Variants in RASSF5 observed in about 807,000 individuals in gnomAD.
RASSF5 encodes Ras association domain family member 5, also known as ras association domain-containing protein 5.
A neutral mutation model predicts 40.5 loss-of-function variants in RASSF5; 25 were observed. That is an observed-to-expected ratio of 0.62 (90% CI 0.45 to 0.86). The LOEUF (loss-of-function observed/expected upper bound fraction) is 0.86, where lower values mean the gene tolerates loss of function less well. Ranked by LOEUF, RASSF5 falls within the 40% of genes least tolerant of loss-of-function variation. The pLI, the probability that RASSF5 is intolerant of heterozygous loss-of-function variation, is 0.00. For missense variants in RASSF5, 521 were observed against 572.8 expected (o/e 0.91, Z 0.92); for synonymous variants, 246 against 252.4 (o/e 0.97, Z 0.24).
rs1440436269 is a variant in RASSF5 at position 206,576,991 on chromosome 1, TG to T, written c.580-6277del. Among the ~76,000 whole-genome samples, 7 of 150,980 alleles carry T rather than the reference TG, an allele frequency of 4.6e-5. No homozygotes were observed. In the East Asian group the frequency reaches 1.4e-3, roughly 29 times the overall value. On this transcript the variant is annotated intron_variant, in intron 2 of 5. Transcript: ENST00000579436. ...GCTAATTTTTGTATTTTTTTTTTTT[TG>T]TAGAGACAGGGTCTCACTATGTTGC...
Position 206,584,346 on chromosome 1 carries a change from G to T in RASSF5, c.691-41G>T. 1 of 1,567,594 alleles carries T rather than the reference G, an allele frequency of 6.4e-7. No homozygotes were observed. Among genetic ancestry groups the T allele is most frequent in the Non-Finnish European group, 8.7e-7 (1 of 1,155,294 alleles). ...CGAGTGGCAGATATGATCATGCAAG[G>T]CGGACGGCCCTGACCCCCTGTGACA... On this transcript the variant is annotated intron_variant, in intron 3 of 5. Coordinates refer to ENST00000579436, the MANE Select transcript of RASSF5 (RefSeq NM_182663.4). This position sits in a 1 kb window ranked among gnomAD's most constrained non-coding sequence, Gnocchi z 4.9.
At chr1:206,537,245 C>T (rs1246821029) in intron 1 of RASSF5, among the ~76,000 whole-genome samples, 1 of 152,200 alleles carries the variant, frequency 6.6e-6, no homozygotes, top group African/African-American at 2.4e-5. Context: ...CTTTTCAACT[C>T]TGGTCACTAA....
intron 5 of RASSF5, 121 bp downstream of exon 5, chr1:206,585,416 T>C: frequency 1.3e-6 from 1 of 746,968 alleles, no homozygotes; most frequent in Non-Finnish European, 2.4e-6. Flanking sequence ...AAGGTGACTG[T>C]TGAGAGAGTG....
chr1:206,564,902 G>A (rs1668244228), intron 2 of RASSF5, among the ~76,000 whole-genome samples: 1 of 152,112 alleles, frequency 6.6e-6, no homozygotes. Flanking sequence ...GAATTGCTGA[G>A]CCTGTGGCTT....
At chr1:206,557,078 G>T (rs1668010234) in intron 2 of RASSF5, 3 of 954,272 alleles carry the variant, frequency 3.1e-6, no homozygotes, top group Non-Finnish European at 3.7e-6. Context: ...ACCGGGGGCG[G>T]GTGGCACCCA....
rs1375229005 is a variant in RASSF5, at chr1:206,531,540, C to A, written c.458-6632C>A. Among the ~76,000 whole-genome samples the A allele has an allele frequency of 2.6e-5, 4 of 152,142 alleles. No homozygotes were observed. The highest frequency in any genetic ancestry group is 4.4e-5 in the Non-Finnish European group (3 of 68,030). The stretch of plus-strand genomic sequence containing the variant: ...GAGCTGCCCTGGGATGGTCTGTGCG[C>A]AGAGGGCGCTGGAGACCCTCTCTGG... On this transcript the variant is annotated intron_variant, in intron 1 of 5. Transcript: ENST00000579436. This position sits in a 1 kb window ranked among gnomAD's most constrained non-coding sequence, Gnocchi z 4.7.
At chr1:206,570,756 G>A (rs1432127514) in intron 2 of RASSF5, among the ~76,000 whole-genome samples, 1 of 152,138 alleles carries the variant, frequency 6.6e-6, no homozygotes, top group African/African-American at 2.4e-5. Context: ...GGCTGAATGA[G>A]ATTCCATTGT....
At chr1:206,569,242 A>G (rs1461858873) in intron 2 of RASSF5, among the ~76,000 whole-genome samples, 1 of 152,248 alleles carries the variant, frequency 6.6e-6, no homozygotes, top group Non-Finnish European at 1.5e-5. Context: ...ACAGAAGCCC[A>G]TACACATCCT....
chr1:206,507,874 TGCG>T lies in RASSF5; in HGVS notation c.281_283del (p.Arg94del), dbSNP rs1553394055. The stretch of plus-strand genomic sequence containing the variant: ...CTCCGGCCTGGTCTGCAGCAGAGAC[TGCG>T]GCGGCGGCCTGGAGCGCCCCGACCC... On this transcript the variant is annotated inframe_deletion, in exon 1 of 6. Coordinates refer to ENST00000579436, the MANE Select transcript of RASSF5 (RefSeq NM_182663.4). 3 of 1,493,252 alleles carry T rather than the reference TGCG, an allele frequency of 2.0e-6. No homozygotes were observed. Among genetic ancestry groups the T allele is most frequent in the Non-Finnish European group, 2.7e-6 (3 of 1,128,314 alleles). 92.5% of individuals were successfully genotyped at this position (1,493,252 alleles called of 1,614,324 possible).
intron 2 of RASSF5, among the ~76,000 whole-genome samples, chr1:206,550,442 T>C (rs991417297): frequency 1.3e-5 from 2 of 152,230 alleles, no homozygotes; most frequent in Middle Eastern, 3.2e-3. Context: ...GCCTTGCACA[T>C]AGTAGGTGCT....
chr1:206,526,293 T>TGTGTGTG (rs1553397193), intron 1 of RASSF5, among the ~76,000 whole-genome samples: 1 of 151,328 alleles, frequency 6.6e-6, no homozygotes, highest in Non-Finnish European at 1.5e-5. Flanking sequence ...TGTGTGTGTG[T>TGTGTGTG]TGGAGTTGGG....
intron 2 of RASSF5, among the ~76,000 whole-genome samples, chr1:206,548,084 C>T (rs1304298829): frequency 6.6e-6 from 1 of 152,140 alleles, no homozygotes; most frequent in Non-Finnish European, 1.5e-5. Flanking sequence ...GATGTTGCTT[C>T]ACTACCTCCT....
At chr1:206,538,573 G>C (rs1553398986) in intron 2 of RASSF5, among the ~76,000 whole-genome samples, 2 of 152,182 alleles carry the variant, frequency 1.3e-5, no homozygotes, top group Non-Finnish European at 2.9e-5. Context: ...TGAGCAGTGG[G>C]GTGGCTTCCA....
chr1:206,546,206 CTCAGGTGA>C, intron 2 of RASSF5, among the ~76,000 whole-genome samples: 1 of 146,230 alleles, frequency 6.8e-6, no homozygotes, highest in Middle Eastern at 3.5e-3. Flanking sequence ...CCTCCCCAAG[CTCAGGTGA>C]TCCTCCACTT....
intron 1 of RASSF5, among the ~76,000 whole-genome samples, chr1:206,517,110 T>C (rs576990628): frequency 2.0e-5 from 3 of 152,198 alleles, no homozygotes; most frequent in Non-Finnish European, 4.4e-5. Context: ...CACAGACGTA[T>C]AAGTGCATCT....
intron 2 of RASSF5, among the ~76,000 whole-genome samples, chr1:206,540,759 G>C (rs6540455): frequency 0.075 from 11,393 of 152,178 alleles, 1,466 homozygotes; most frequent in African/African-American, 0.26. Context: ...CATCGACCTG[G>C]GCTGAGCTAA....
intron 2 of RASSF5, among the ~76,000 whole-genome samples, chr1:206,575,528 C>T (rs888774112): frequency 8.5e-5 from 13 of 152,058 alleles, no homozygotes; most frequent in African/African-American, 2.4e-4. Context: ...AAAGTCGTGG[C>T]GGTTAGAAAT....
rs569004857 is a variant in RASSF5, at chr1:206,531,539, G to C, written c.458-6633G>C. 6.6e-6 allele frequency among the ~76,000 whole-genome samples: 1 copy of C among 152,164 alleles called. No individual in the cohort carries two copies. Among genetic ancestry groups the C allele is most frequent in the African/African-American group, 2.4e-5 (1 of 41,440 alleles). Reference sequence around the variant, plus strand: ...GGAGCTGCCCTGGGATGGTCTGTGCGCAGAGGGCGCTGGAGACCCTCTCTG... The same window carrying C: ...GGAGCTGCCCTGGGATGGTCTGTGCCCAGAGGGCGCTGGAGACCCTCTCTG... On this transcript the variant is annotated intron_variant, in intron 1 of 5. Transcript: ENST00000579436. The surrounding 1 kb of genome is among the most constrained non-coding windows in gnomAD (Gnocchi z 4.7).
At chr1:206,536,230 C>T (rs566406615) in intron 1 of RASSF5, among the ~76,000 whole-genome samples, 2 of 152,294 alleles carry the variant, frequency 1.3e-5, no homozygotes, top group South Asian at 4.2e-4. Context: ...TAGATGGGTG[C>T]ATGCCCCAGG....
Sources: gnomAD v4.1 joint callset for allele counts (sites outside exome capture counted in the v4.1 genomes callset) on GRCh38, gnomAD v4.1.1 for gene constraint, Gnocchi (gnomAD v3.1) non-coding constraint, MANE v1.5 for transcripts, NCBI Gene and HGNC (gene_info 2026-07-23, HGNC 2026-07-21) for gene names.